The following PELO variants were observed in gnomAD, a reference collection of about 807,000 sequenced individuals.
PELO encodes the protein pelota mRNA surveillance and ribosome rescue factor.
PELO carries 19 observed loss-of-function variants against 25.9 expected under a neutral mutation model. That is an observed-to-expected ratio of 0.73 (90% CI 0.51 to 1.08). The LOEUF (loss-of-function observed/expected upper bound fraction) is 1.08. PELO is among the 50% of genes least tolerant of loss of function. The pLI is 0.00. For missense variants in PELO, 498 were observed against 491.4 expected, an observed-to-expected ratio of 1.01 and a Z score of -0.13; for synonymous variants, 196 against 192.2, an observed-to-expected ratio of 1.02 and a Z score of -0.16.
rs1393744746 is a variant in PELO at position 52,800,205 on chromosome 5, G to C, written c.-190G>C. The C allele has an allele frequency of 2.0e-5, 12 of 610,544 alleles. 1 individual carries two copies. In the South Asian group the frequency reaches 2.0e-4, roughly 10 times the overall value. The allele number at this position is 610,544 out of a possible 1,614,324, so 37.8% of individuals were successfully genotyped here. ...CGCAGCGCGCCGGGAGACTGAGAGA[G>C]GAAAGGATAGAGGAAGTGCTGCCCT... On this transcript the variant is annotated 5_prime_UTR_variant, in exon 2 of 3. Transcript: ENST00000274311.
rs1430846967 is a variant in PELO at position 52,800,303 on chromosome 5, C to T, written c.-92C>T. 4 of 1,446,896 alleles carry T rather than the reference C, an allele frequency of 2.8e-6. No individual in the cohort carries two copies. The highest frequency in any genetic ancestry group is 3.8e-5 in the Admixed American group (2 of 53,006). The allele number at this position is 1,446,896 out of a possible 1,614,324, so 89.6% of individuals were successfully genotyped here. A position where few individuals can be genotyped will look rare whatever the true frequency, so the allele number is the denominator to read the frequency against. On this transcript the variant is annotated 5_prime_UTR_variant, in exon 2 of 3. Transcript: ENST00000274311. Reference sequence around the variant, plus strand: ...GCCCTTAGAAACCGGGCCCCGCCCCCTTCCTGGCCTGCATTCCCATCCCCT... The same window carrying T: ...GCCCTTAGAAACCGGGCCCCGCCCCTTTCCTGGCCTGCATTCCCATCCCCT...
Position 52,788,518 on chromosome 5 carries a change from C to T in PELO, c.-511+104C>T, listed in dbSNP as rs544874706. On this transcript the variant is annotated intron_variant, in intron 1 of 2. Transcript: ENST00000274311. ...ATGGGCCAGATAGGAAGAGAGAGCGCCCATCCACTTTCGGGCATTCCAGGT... is the reference window on the plus strand; with the variant it reads ...ATGGGCCAGATAGGAAGAGAGAGCGTCCATCCACTTTCGGGCATTCCAGGT... 5.0e-6 allele frequency: 5 copies of T among 996,492 alleles called. No individual in the cohort carries two copies. The South Asian group carries it at 6.0e-5, about 12-fold the overall frequency. 61.7% of individuals were successfully genotyped at this position (996,492 alleles called of 1,614,324 possible). A position where few individuals can be genotyped will look rare whatever the true frequency, so the allele number is the denominator to read the frequency against.
rs1378767201 is a variant in PELO, at chr5:52,788,352, C to T, written c.-573C>T. 1 of 1,508,002 alleles carries T rather than the reference C, an allele frequency of 6.6e-7. No homozygotes were observed. The highest frequency in any genetic ancestry group is 8.8e-7 in the Non-Finnish European group (1 of 1,133,080). The allele number at this position is 1,508,002 out of a possible 1,614,324, so 93.4% of individuals were successfully genotyped here. A position where few individuals can be genotyped will look rare whatever the true frequency, so the allele number is the denominator to read the frequency against. ...CCCCCTGGCGCTGAGGCTGCTCCGG[C>T]CATGGCCCCTCGGCCCCGCGCCCGC... On this transcript the variant is annotated 5_prime_UTR_variant, in exon 1 of 3. Coordinates refer to ENST00000274311, the MANE Select transcript of PELO (RefSeq NM_015946.5).
Position 52,800,253 on chromosome 5 carries a change from C to T in PELO, c.-142C>T, listed in dbSNP as rs1212263687. On this transcript the variant is annotated 5_prime_UTR_variant, in exon 2 of 3. Coordinates refer to ENST00000274311, the MANE Select transcript of PELO (RefSeq NM_015946.5). ...CCTAGGCTGCATGAGTCGAAGCAAGCGTGTTTCCTTCCCGCCAGGCAAGTG... is the reference window on the plus strand; with the variant it reads ...CCTAGGCTGCATGAGTCGAAGCAAGTGTGTTTCCTTCCCGCCAGGCAAGTG... 30 of 767,262 alleles carry T rather than the reference C, an allele frequency of 3.9e-5. No homozygotes were observed. The highest frequency in any genetic ancestry group is 1.5e-5 in the Non-Finnish European group (7 of 468,096). The allele number at this position is 767,262 out of a possible 1,614,324, so 47.5% of individuals were successfully genotyped here.
chr5:52,797,197 C>G (rs17209760), intron 1 of PELO, among the ~76,000 whole-genome samples: 39,027 of 151,692 alleles, frequency 0.26, 5,384 homozygotes, highest in Non-Finnish European at 0.31. Flanking sequence ...AAAAAGTTCC[C>G]AACTATTGCA....
At chr5:52,794,211 T>G (rs1223547403) in intron 1 of PELO, among the ~76,000 whole-genome samples, 1 of 151,934 alleles carries the variant, frequency 6.6e-6, no homozygotes, top group Non-Finnish European at 1.5e-5. Flanking sequence ...TTATATGAGA[T>G]CTCCTAAAAT....
chr5:52,789,556 A>G (rs980423569), intron 1 of PELO, among the ~76,000 whole-genome samples: 6 of 152,186 alleles, frequency 3.9e-5, no homozygotes, highest in Admixed American at 3.9e-4. Flanking sequence ...AGAGTTAATA[A>G]TTAGCTACTG....
intron 1 of PELO, among the ~76,000 whole-genome samples, chr5:52,791,767 AAAAAG>A (rs1054022586): frequency 3.9e-5 from 6 of 152,360 alleles, no homozygotes; most frequent in African/African-American, 7.2e-5. Flanking sequence ...TAGCCTTGAA[AAAAAG>A]AAAAGAAAAA....
rs1748443405 is a variant in PELO, at chr5:52,800,388, C to G, written c.-7C>G. 1.2e-6 allele frequency: 2 copies of G among 1,613,734 alleles called. No homozygotes were observed. Among genetic ancestry groups the G allele is most frequent in the East Asian group, 4.5e-5 (2 of 44,882 alleles). On this transcript the variant is annotated 5_prime_UTR_variant, in exon 2 of 3. Transcript: ENST00000274311. ...TTTGGTTCTGTCAGTGAGCCCCTTC[C>G]TTGGCCATGAAGCTCGTGAGGAAGA...
At chr5:52,797,089 T>TAA (rs138154126) in intron 1 of PELO, among the ~76,000 whole-genome samples, 1 of 151,734 alleles carries the variant, frequency 6.6e-6, no homozygotes, top group African/African-American at 2.4e-5. Flanking sequence ...TGAATCAAAA[T>TAA]AAAAATATAA....
At position 52,803,787 on chromosome 5, in the gene PELO, A is replaced by C. The variant is rs573401898; in HGVS notation, c.*1947A>C. 1 of 152,196 alleles carries C rather than the reference A, an allele frequency of 6.6e-6. No homozygotes were observed. Among genetic ancestry groups the C allele is most frequent in the Non-Finnish European group, 1.5e-5 (1 of 68,024 alleles). The allele number at this position is 152,196 out of a possible 1,614,324, so 9.4% of individuals were successfully genotyped here. ...GAATTCAGGGATCTTTTGTAGACCT[A>C]CTGAGACAGGCGCTACCTGTACCAA... On this transcript the variant is annotated 3_prime_UTR_variant, in exon 3 of 3. Transcript: ENST00000274311.
chr5:52,790,935 T>C (rs1158779523), intron 1 of PELO, among the ~76,000 whole-genome samples: 2 of 152,208 alleles, frequency 1.3e-5, no homozygotes, highest in African/African-American at 4.8e-5. Context: ...GACCTTGTTT[T>C]ATACATCGAG....
chr5:52,800,533 G>A lies in PELO; in HGVS notation c.139G>A (p.Val47Ile). The change falls in exon 2 of 3, where the codon GTA becomes ATA. Residue 47 changes from valine to isoleucine, a missense_variant. By Grantham distance (29) the Val-to-Ile change is conservative. Coordinates refer to ENST00000274311, the MANE Select transcript of PELO (RefSeq NM_015946.5). ...DSLRASTIRK[V>I]QTESSTGSVG... ...CCTGCGCGCCTCCACCATCCGCAAG[G>A]TACAGACAGAGTCCTCCACGGGCAG... is the stretch of plus-strand genomic sequence containing the variant. 6.2e-7 allele frequency: 1 copy of A among 1,614,118 alleles called. No homozygotes were observed. The highest frequency in any genetic ancestry group is 8.5e-7 in the Non-Finnish European group (1 of 1,180,024).
rs1561212721 is a variant in PELO, at chr5:52,802,316, A to T, written c.*476A>T. 1 of 151,966 alleles carries T rather than the reference A, an allele frequency of 6.6e-6. No individual in the cohort carries two copies. Among genetic ancestry groups the T allele is most frequent in the Non-Finnish European group, 1.5e-5 (1 of 68,060 alleles). 9.4% of individuals were successfully genotyped at this position (151,966 alleles called of 1,614,324 possible). On this transcript the variant is annotated 3_prime_UTR_variant, in exon 3 of 3. Transcript: ENST00000274311. Reference sequence around the variant, plus strand: ...TTTTCTCCCCACCTCCACACACTACATTTTTTTTAGATTTAAATAGTTTTA... The same window carrying T: ...TTTTCTCCCCACCTCCACACACTACTTTTTTTTTAGATTTAAATAGTTTTA...
At position 52,800,493 on chromosome 5, in the gene PELO, G is replaced by A. The variant is rs1748447625; in HGVS notation, c.99G>A (p.Val33=). 2 of 1,613,986 alleles carry A rather than the reference G, an allele frequency of 1.2e-6. No individual in the cohort carries two copies. Among genetic ancestry groups the A allele is most frequent in the Non-Finnish European group, 1.7e-6 (2 of 1,180,044 alleles). The part of the protein sequence containing the change: ...PEDMWHTYNL[V]QVGDSLRAST... ...ACATGTGGCACACTTACAACCTCGT[G>A]CAGGTGGGCGACAGCCTGCGCGCCT... The change falls in exon 2 of 3, where the codon GTG becomes GTA. Residue 33 remains valine, a synonymous_variant. Coordinates refer to ENST00000274311, the MANE Select transcript of PELO (RefSeq NM_015946.5).
At position 52,801,748 on chromosome 5, in the gene PELO, C is replaced by T; in HGVS notation, c.1066C>T (p.Leu356Phe). 1 of 1,614,088 alleles carries T rather than the reference C, an allele frequency of 6.2e-7. No individual in the cohort carries two copies. The highest frequency in any genetic ancestry group is 8.5e-7 in the Non-Finnish European group (1 of 1,179,944). Residue 356 changes from leucine to phenylalanine, a missense_variant, in exon 3 of 3, where the codon CTC becomes TTC. By Grantham distance (22) the Leu-to-Phe change is conservative (BLOSUM62 0). Coordinates refer to ENST00000274311, the MANE Select transcript of PELO (RefSeq NM_015946.5). ...FSSLHVSGEQLSQLTGVAAIL... is the reference protein window; with the variant it reads ...FSSLHVSGEQFSQLTGVAAIL... Reference sequence around the variant, plus strand: ...TAGTCTTCACGTTTCTGGGGAACAGCTCAGCCAGTTGACTGGGGTAGCTGC... The same window carrying T: ...TAGTCTTCACGTTTCTGGGGAACAGTTCAGCCAGTTGACTGGGGTAGCTGC...
In PELO at chr5:52,794,500, TACACACACACAC is replaced by T. The variant is rs56996823; in HGVS notation, c.-510-5360_-510-5349del. On this transcript the variant is annotated intron_variant, in intron 1 of 2. Coordinates refer to ENST00000274311, the MANE Select transcript of PELO (RefSeq NM_015946.5). ...GTATAAGAATACATGCAAATAGAAA[TACACACACACAC>T]ACACACACACACACACACACACACT... 6.3e-4 allele frequency among the ~76,000 whole-genome samples: 89 copies of T among 141,910 alleles called. No individual in the cohort carries two copies. The East Asian group carries it at 0.013, about 21-fold the overall frequency. The allele number at this position is 141,910 out of a possible 152,430, so 93.1% of individuals were successfully genotyped here.
In PELO at chr5:52,801,040, C is replaced by A; in HGVS notation, c.646C>A (p.Gln216Lys). 2 of 1,613,896 alleles carry A rather than the reference C, an allele frequency of 1.2e-6. No homozygotes were observed. The highest frequency in any genetic ancestry group is 1.7e-6 in the Non-Finnish European group (2 of 1,179,820). ...GGCCAGCCCAGGATTTGTGAGGGAG[C>A]AGTTCTGCGACTACCTGTTTCAACA... ...LVASPGFVRE[Q>K]FCDYLFQQAV... The change falls in exon 2 of 3, where the codon CAG becomes AAG. Residue 216 changes from glutamine to lysine, a missense_variant. Gln to Lys is a moderately conservative substitution (Grantham distance 53). Coordinates refer to ENST00000274311, the MANE Select transcript of PELO (RefSeq NM_015946.5).
intron 1 of PELO, 103 bp downstream of exon 1, chr5:52,788,517 GC>G: frequency 2.0e-6 from 2 of 1,001,760 alleles, no homozygotes; most frequent in Non-Finnish European, 2.7e-6. Flanking sequence ...AAGAGAGAGC[GC>G]CCATCCACTT....
Sources: allele counts gnomAD v4.1 joint callset (sites outside exome capture counted in the v4.1 genomes callset), GRCh38; gene constraint gnomAD v4.1.1; transcripts MANE v1.5; gene names NCBI Gene and HGNC (gene_info 2026-07-23, HGNC 2026-07-21).